The following PARP12 variants were observed in gnomAD, a reference collection of about 807,000 sequenced individuals.
The protein encoded by PARP12 is poly(ADP-ribose) polymerase family member 12, also known as protein mono-ADP-ribosyltransferase PARP12.
In PARP12, 59 loss-of-function variants were observed where a neutral mutation model predicts 72.4. The ratio of observed to expected loss-of-function variants is 0.81; its 90% confidence interval spans 0.66 to 1.01. The LOEUF (loss-of-function observed/expected upper bound fraction) is 1.01, where lower values mean the gene tolerates loss of function less well. Among genes scored for constraint, PARP12 ranks in the 50% least tolerant of loss-of-function variants. The pLI is 0.00. For missense variants in PARP12, 851 were observed against 914.0 expected, an observed-to-expected ratio of 0.93 and a Z score of 0.89; for synonymous variants, 403 against 371.4, an observed-to-expected ratio of 1.09 and a Z score of -0.98.
intron 11 of PARP12, chr7:140,025,468 T>G: frequency 2.5e-6 from 1 of 405,184 alleles, no homozygotes; most frequent in Non-Finnish European, 5.0e-6. Flanking sequence ...ACCCGGAACA[T>G]GGACTGCTGG....
chr7:140,040,253 C>A (rs765896944), intron 6 of PARP12, among the ~76,000 whole-genome samples: 21 of 152,182 alleles, frequency 1.4e-4, no homozygotes, highest in Non-Finnish European at 2.6e-4. Context: ...CTTCCCCTCA[C>A]GCTCCTGACC....
chr7:140,062,875 G>A lies in PARP12; in HGVS notation c.-28C>T. The A allele has an allele frequency of 3.2e-6, 4 of 1,250,208 alleles. No homozygotes were observed. Among genetic ancestry groups the A allele is most frequent in the Non-Finnish European group, 4.0e-6 (4 of 998,832 alleles). 77.4% of individuals were successfully genotyped at this position (1,250,208 alleles called of 1,614,324 possible). ...CCGCTGGGCCTGCTCCCGTCGGACC[G>A]CGGGTGGCGCGACGCGGACGGCGGC... On this transcript the variant is annotated 5_prime_UTR_variant, in exon 1 of 12. Transcript: ENST00000263549.
In PARP12 at chr7:140,057,274, G is replaced by C. The variant is rs113200964; in HGVS notation, c.463-121C>G. On this transcript the variant is annotated intron_variant, in intron 2 of 11. Transcript: ENST00000263549. ...AAGCTGTGATTCCATCATCCACACAGAACACAGCTATTACATCCCTCACTC... is the reference window on the plus strand; with the variant it reads ...AAGCTGTGATTCCATCATCCACACACAACACAGCTATTACATCCCTCACTC... The C allele has an allele frequency of 6.0e-5, 57 of 949,546 alleles. 1 individual carries two copies. In the African/African-American group the frequency reaches 7.7e-4, roughly 13 times the overall value. The allele number at this position is 949,546 out of a possible 1,614,324, so 58.8% of individuals were successfully genotyped here.
chr7:140,056,849 G>A lies in PARP12; in HGVS notation c.760+7C>T, dbSNP rs1303115599. ...CCACCAGCCTTACCACTCCCCACCA[G>A]CCTTACCAGAAGTCCCCTGTGGGAC... On this transcript the variant is annotated splice_region_variant and intron_variant, in intron 3 of 11. Transcript: ENST00000263549. 1 of 1,595,076 alleles carries A rather than the reference G, an allele frequency of 6.3e-7. No individual in the cohort carries two copies. The highest frequency in any genetic ancestry group is 8.5e-7 in the Non-Finnish European group (1 of 1,171,068).
intron 4 of PARP12, among the ~76,000 whole-genome samples, chr7:140,051,875 C>G (rs570245442): frequency 6.6e-6 from 1 of 152,118 alleles, no homozygotes; most frequent in African/African-American, 2.4e-5. Context: ...CATTTTTTTG[C>G]TAAAGTTTTG....
intron 2 of PARP12, chr7:140,057,635 C>T (rs777485752): frequency 6.2e-6 from 3 of 485,932 alleles, no homozygotes; most frequent in Non-Finnish European, 7.3e-6. Flanking sequence ...ATGGAGCACA[C>T]TGAGAGGCTC....
intron 1 of PARP12, among the ~76,000 whole-genome samples, chr7:140,060,511 G>T (rs1197353639): frequency 6.6e-6 from 1 of 152,194 alleles, no homozygotes; most frequent in African/African-American, 2.4e-5. Flanking sequence ...AAGGAAAAGA[G>T]AAAACTGAAG....
Position 140,062,761 on chromosome 7 carries a change from G to A in PARP12, c.87C>T (p.Arg29=). The change falls in exon 1 of 12, where the codon CGC becomes CGT. Residue 29 remains arginine (R), a synonymous_variant. Transcript: ENST00000263549. ...CGTCGGCGCTCAAGCCCATCCGCAA[G>A]CGGCGCCGCAGCTCGGGCAACTCCA... is the stretch of plus-strand genomic sequence containing the variant. ...GALELPELRR[R]LRMGLSADAL... The A allele has an allele frequency of 7.2e-7, 1 of 1,388,860 alleles. No individual in the cohort carries two copies. The highest frequency in any genetic ancestry group is 9.4e-7 in the Non-Finnish European group (1 of 1,066,320). The allele number at this position is 1,388,860 out of a possible 1,614,324, so 86.0% of individuals were successfully genotyped here.
chr7:140,042,296 A>C (rs139874572), intron 5 of PARP12, among the ~76,000 whole-genome samples: 3 of 152,376 alleles, frequency 2.0e-5, no homozygotes, highest in Admixed American at 2.0e-4. Flanking sequence ...GGGAAAACAG[A>C]AGCTCAGGAA....
In PARP12 at chr7:140,024,441, T is replaced by C. The variant is rs1815643371; in HGVS notation, c.*119A>G. ...GCAAGAGATTAAGAACATAACTTCA[T>C]TGAGAGGTCAATGTTAAGAGAACAG... is the stretch of plus-strand genomic sequence containing the variant. On this transcript the variant is annotated 3_prime_UTR_variant, in exon 12 of 12. Coordinates refer to ENST00000263549, the MANE Select transcript of PARP12 (RefSeq NM_022750.4). 1 of 1,091,316 alleles carries C rather than the reference T, an allele frequency of 9.2e-7. No homozygotes were observed. Among genetic ancestry groups the C allele is most frequent in the Non-Finnish European group, 1.4e-6 (1 of 732,984 alleles). 67.6% of individuals were successfully genotyped at this position (1,091,316 alleles called of 1,614,324 possible). A position where few individuals can be genotyped will look rare whatever the true frequency, so the allele number is the denominator to read the frequency against.
chr7:140,040,526 C>T (rs143307041), intron 6 of PARP12, among the ~76,000 whole-genome samples: 271 of 152,304 alleles, frequency 1.8e-3, no homozygotes, highest in Non-Finnish European at 2.7e-3. Flanking sequence ...CAGCCAATGT[C>T]TATTTCCTGA....
Position 140,028,682 on chromosome 7 carries a change from G to T in PARP12, c.1428C>A (p.Thr476=). 6.2e-7 allele frequency: 1 copy of T among 1,601,064 alleles called. No individual in the cohort carries two copies. Among genetic ancestry groups the T allele is most frequent in the Non-Finnish European group, 8.5e-7 (1 of 1,173,180 alleles). The change falls in exon 9 of 12, where the codon ACC becomes ACA. Residue 476 remains threonine, a synonymous_variant. Transcript: ENST00000263549. The part of the protein sequence containing the change: ...QDVTTMQTCN[T]KFPGPKSIPD... ...GGATGCTCTTCGGGCCTGGAAACTTGGTATTGCTACAAAAATGTAAACAAA... is the reference window on the plus strand; with the variant it reads ...GGATGCTCTTCGGGCCTGGAAACTTTGTATTGCTACAAAAATGTAAACAAA...
At chr7:140,049,925 T>G (rs1434541555) in intron 4 of PARP12, among the ~76,000 whole-genome samples, 3 of 152,116 alleles carry the variant, frequency 2.0e-5, no homozygotes, top group African/African-American at 7.2e-5. Context: ...ACGTTGGCAT[T>G]CCAGGGGCTT....
rs1008351728 is a variant in PARP12 at position 140,024,333 on chromosome 7, A to C, written c.*227T>G. On this transcript the variant is annotated 3_prime_UTR_variant, in exon 12 of 12. Transcript: ENST00000263549. ...CTAAAACTTCAACACATTATTAAAA[A>C]GCAAAACTGGACTCAACTACAATCA... 4.4e-5 allele frequency: 25 copies of C among 566,702 alleles called. No homozygotes were observed. In the African/African-American group the frequency reaches 4.5e-4, roughly 10 times the overall value. The allele number at this position is 566,702 out of a possible 1,614,324, so 35.1% of individuals were successfully genotyped here. A position where few individuals can be genotyped will look rare whatever the true frequency, so the allele number is the denominator to read the frequency against.
intron 6 of PARP12, among the ~76,000 whole-genome samples, chr7:140,040,503 C>G (rs1308135379): frequency 1.3e-5 from 2 of 152,194 alleles, no homozygotes; most frequent in Admixed American, 6.5e-5. Flanking sequence ...CAGTAACACC[C>G]TCCTCCTTCC....
chr7:140,026,191 C>G lies in PARP12; in HGVS notation c.1780+6G>C, dbSNP rs200633456. On this transcript the variant is annotated splice_donor_region_variant and intron_variant, in intron 11 of 11. Coordinates refer to ENST00000263549, the MANE Select transcript of PARP12 (RefSeq NM_022750.4). ...GTTTTGCTGGTGGAGGCCAGTCATG[C>G]CTTACCCTTGCCGTAGGAAGTGCCA... 1.2e-6 allele frequency: 2 copies of G among 1,614,142 alleles called. No homozygotes were observed. Among genetic ancestry groups the G allele is most frequent in the African/African-American group, 1.3e-5 (1 of 75,050 alleles).
chr7:140,025,150 G>A (rs1015585309), intron 11 of PARP12: 5 of 479,204 alleles, frequency 1.0e-5, no homozygotes, highest in East Asian at 4.0e-5. Flanking sequence ...TCTGCCCCAC[G>A]AAACCTAAAG....
intron 6 of PARP12, among the ~76,000 whole-genome samples, chr7:140,038,796 C>T (rs1380882664): frequency 6.6e-6 from 1 of 152,158 alleles, no homozygotes; most frequent in Non-Finnish European, 1.5e-5. Flanking sequence ...TTAGGTGTTA[C>T]TAACAGAACA....
rs139903387 is a variant in PARP12 at position 140,056,434 on chromosome 7, T to C, written c.760+422A>G. 1.8e-3 allele frequency among the ~76,000 whole-genome samples: 268 copies of C among 152,306 alleles called. 2 individuals carry two copies. The highest frequency in any genetic ancestry group is 6.0e-3 in the African/African-American group (250 of 41,552). On this transcript the variant is annotated intron_variant, in intron 3 of 11. Coordinates refer to ENST00000263549, the MANE Select transcript of PARP12 (RefSeq NM_022750.4). Reference sequence around the variant, plus strand: ...TAAGGTATGCTTCTTTCACTCATTTTGTAAAATCAGAATACAACACAAGGA... The same window carrying C: ...TAAGGTATGCTTCTTTCACTCATTTCGTAAAATCAGAATACAACACAAGGA...
Sources: gnomAD v4.1 joint callset for allele counts (sites outside exome capture counted in the v4.1 genomes callset) on GRCh38, gnomAD v4.1.1 for gene constraint, MANE v1.5 for transcripts, NCBI Gene and HGNC (gene_info 2026-07-23, HGNC 2026-07-21) for gene names.